ARHGEF28: variants seen among roughly 807,000 people sequenced by gnomAD.
ARHGEF28 encodes Rho guanine nucleotide exchange factor 28, also known as 190 kDa guanine nucleotide exchange factor.
A neutral mutation model predicts 206.6 loss-of-function variants in ARHGEF28; 152 were observed. The ratio of observed to expected loss-of-function variants is 0.74; its 90% CI spans 0.64 to 0.84. ARHGEF28 has a LOEUF of 0.84. ARHGEF28 is among the 40% of genes least tolerant of loss of function. ARHGEF28 has a pLI of 0.00. For synonymous variants in ARHGEF28, 763 were observed against 776.4 expected, an observed-to-expected ratio of 0.98 and a Z score of 0.29; for missense variants, 2,028 against 2,073.2, an observed-to-expected ratio of 0.98 and a Z score of 0.42.
At position 73,658,138 on chromosome 5, in the gene ARHGEF28, T is replaced by TA. The variant is rs1224056480; in HGVS notation, c.-11-26703_-11-26702insA. Among the ~76,000 whole-genome samples the TA allele has an allele frequency of 2.4e-3, 302 of 128,098 alleles. 1 individual carries two copies. Among genetic ancestry groups the TA allele is most frequent in the African/African-American group, 6.4e-3 (249 of 38,668 alleles). The allele number at this position is 128,098 out of a possible 152,430, so 84.0% of individuals were successfully genotyped here. A position where few individuals can be genotyped will look rare whatever the true frequency, so the allele number is the denominator to read the frequency against. ...TTTGGGTAGAAAGGAAGTCCTTTTT[T>TA]TAAAAAAAAAAAAAACTCAATTAAC... On this transcript the variant is annotated intron_variant, in intron 1 of 35. Coordinates refer to ENST00000513042, the MANE Select transcript of ARHGEF28 (RefSeq NM_001177693.2).
chr5:73,653,829 C>A (rs1030835996), intron 1 of ARHGEF28, among the ~76,000 whole-genome samples: 4 of 152,218 alleles, frequency 2.6e-5, no homozygotes, highest in Non-Finnish European at 4.4e-5. Flanking sequence ...TCTGTTCCCC[C>A]CCGTCATGGC....
intron 24 of ARHGEF28, among the ~76,000 whole-genome samples, chr5:73,885,209 C>T (rs1420054954): frequency 6.6e-6 from 1 of 152,088 alleles, no homozygotes; most frequent in African/African-American, 2.4e-5. Context: ...CTTTGCCCCA[C>T]AGCTGGCTTA....
At chr5:73,893,083 T>C in intron 27 of ARHGEF28, 114 bp from the exon 28 acceptor site, 1 of 861,348 alleles carries the variant, frequency 1.2e-6, no homozygotes, top group Non-Finnish European at 1.7e-6. Flanking sequence ...CCCTTTATGC[T>C]GAAATTTTCT....
chr5:73,786,112 C>A (rs889476240), intron 7 of ARHGEF28, among the ~76,000 whole-genome samples: 2 of 149,172 alleles, frequency 1.3e-5, no homozygotes, highest in African/African-American at 4.9e-5. Context: ...AAGTAGTTTG[C>A]TTGCATTTAA....
chr5:73,782,259 C>T (rs545371052), intron 7 of ARHGEF28, among the ~76,000 whole-genome samples: 27 of 151,810 alleles, frequency 1.8e-4, no homozygotes, highest in East Asian at 3.9e-4. Flanking sequence ...ACCAACATGG[C>T]GAAACCCCGT....
chr5:73,820,775 G>C (rs191480106), intron 9 of ARHGEF28, among the ~76,000 whole-genome samples: 2 of 152,176 alleles, frequency 1.3e-5, no homozygotes, highest in Non-Finnish European at 2.9e-5. Context: ...TCTTCTCAGA[G>C]GGCTTCGGGA....
intron 4 of ARHGEF28, among the ~76,000 whole-genome samples, chr5:73,772,596 C>T (rs556280588): frequency 6.6e-6 from 1 of 152,304 alleles, no homozygotes; most frequent in South Asian, 2.1e-4. Flanking sequence ...CCAGGCTGGT[C>T]TTGAGCTCCT....
chr5:73,717,656 C>T (rs1749666034), intron 2 of ARHGEF28, among the ~76,000 whole-genome samples: 1 of 152,108 alleles, frequency 6.6e-6, no homozygotes, highest in Admixed American at 6.5e-5. Context: ...AAAGTGCCAA[C>T]TGCATGTCAG....
At chr5:73,915,969 G>C (rs915090075) in intron 35 of ARHGEF28, among the ~76,000 whole-genome samples, 1 of 152,140 alleles carries the variant, frequency 6.6e-6, no homozygotes, top group Admixed American at 6.5e-5. Flanking sequence ...GATTAAGTTT[G>C]AGTTCTCTTT....
At chr5:73,802,151 G>C (rs1035944417) in intron 9 of ARHGEF28, among the ~76,000 whole-genome samples, 3 of 152,164 alleles carry the variant, frequency 2.0e-5, no homozygotes, top group Non-Finnish European at 4.4e-5. Context: ...TGGGAAATAG[G>C]CAAACTTTGG....
At position 73,733,609 on chromosome 5, in the gene ARHGEF28, A is replaced by G. The variant is rs557055475; in HGVS notation, c.34-16228A>G. The stretch of plus-strand genomic sequence containing the variant: ...CACTAAAGAACTTATCCATGTAACT[A>G]AAACCCACCTGTACCCCGAAAACTA... On this transcript the variant is annotated intron_variant, in intron 2 of 35. Transcript: ENST00000513042. Among the ~76,000 whole-genome samples, 3 of 152,342 alleles carry G rather than the reference A, an allele frequency of 2.0e-5. 1 individual carries two copies. The South Asian group carries it at 6.2e-4, about 32-fold the overall frequency.
At chr5:73,722,866 G>A (rs926444101) in intron 2 of ARHGEF28, among the ~76,000 whole-genome samples, 1 of 152,148 alleles carries the variant, frequency 6.6e-6, no homozygotes, top group African/African-American at 2.4e-5. Flanking sequence ...CTGTTTTAAT[G>A]AACAGATTAG....
chr5:73,802,892 G>C (rs1460950092), intron 9 of ARHGEF28, among the ~76,000 whole-genome samples: 1 of 150,704 alleles, frequency 6.6e-6, no homozygotes, highest in African/African-American at 2.4e-5. Flanking sequence ...GTGTGTGTGT[G>C]TGTGTGTGTG....
At chr5:73,771,602 C>T (rs1003318797) in intron 4 of ARHGEF28, among the ~76,000 whole-genome samples, 1 of 151,434 alleles carries the variant, frequency 6.6e-6, no homozygotes, top group African/African-American at 2.4e-5. Flanking sequence ...ATATCTCATG[C>T]TGACAGGTTT....
chr5:73,744,570 A>G (rs1751619070), intron 2 of ARHGEF28, among the ~76,000 whole-genome samples: 1 of 152,086 alleles, frequency 6.6e-6, no homozygotes, highest in Non-Finnish European at 1.5e-5. Flanking sequence ...AAAGAAGACA[A>G]GTTTCAAATA....
At position 73,804,779 on chromosome 5, in the gene ARHGEF28, C is replaced by A. The variant is rs113619242; in HGVS notation, c.1024+9388C>A. ...AAGGTAAAGTGCTGTTTTCATCACACCATATAAAAGGTACATACTATCAAT... is the reference window on the plus strand; with the variant it reads ...AAGGTAAAGTGCTGTTTTCATCACAACATATAAAAGGTACATACTATCAAT... On this transcript the variant is annotated intron_variant, in intron 9 of 35. Transcript: ENST00000513042. Among the ~76,000 whole-genome samples, 279 of 152,084 alleles carry A rather than the reference C, an allele frequency of 1.8e-3. 2 individuals are homozygous for A. Among genetic ancestry groups the A allele is most frequent in the African/African-American group, 6.4e-3 (266 of 41,480 alleles).
chr5:73,727,665 A>G (rs1750362242), intron 2 of ARHGEF28, among the ~76,000 whole-genome samples: 1 of 152,162 alleles, frequency 6.6e-6, no homozygotes, highest in South Asian at 2.1e-4. Context: ...TTTCTTGGAT[A>G]TCATCCTTTA....
chr5:73,758,248 A>T (rs9293611), intron 4 of ARHGEF28, among the ~76,000 whole-genome samples: 57,264 of 152,088 alleles, frequency 0.38, 12,815 homozygotes, highest in African/African-American at 0.63. Flanking sequence ...CCTGGTTAGG[A>T]TTTCTAATTT....
chr5:73,884,206 A>G (rs1761125287), intron 24 of ARHGEF28, among the ~76,000 whole-genome samples: 1 of 152,080 alleles, frequency 6.6e-6, no homozygotes. Flanking sequence ...TTACCTTCAC[A>G]ACAGTCTGAT....
Sources: allele counts gnomAD v4.1 joint callset (sites outside exome capture counted in the v4.1 genomes callset), GRCh38; gene constraint gnomAD v4.1.1; transcripts MANE v1.5; gene names NCBI Gene and HGNC (gene_info 2026-07-23, HGNC 2026-07-21).